Variants in FAM117A observed in about 807,000 individuals in gnomAD.
The protein encoded by FAM117A is protein FAM117A.
A neutral mutation model predicts 44.1 loss-of-function variants in FAM117A; 21 were observed. The observed-to-expected ratio is 0.48, with a 90% CI of 0.34 to 0.69. The LOEUF is 0.69. Among genes scored for constraint, FAM117A ranks in the 30% least tolerant of loss-of-function variants. FAM117A has a pLI of 0.01. For missense variants in FAM117A, 498 were observed against 589.9 expected (o/e 0.84, Z 1.61); for synonymous variants, 220 against 238.3 (o/e 0.92, Z 0.71).
chr17:49,771,588 T>A (rs1402704499), intron 1 of FAM117A, among the ~76,000 whole-genome samples: 3 of 152,322 alleles, frequency 2.0e-5, no homozygotes, highest in Middle Eastern at 3.4e-3. Flanking sequence ...GTAACCGGCA[T>A]GCAGATGGTG....
intron 1 of FAM117A, among the ~76,000 whole-genome samples, chr17:49,779,184 GC>G (rs2073782753): frequency 6.6e-6 from 1 of 152,210 alleles, no homozygotes; most frequent in Admixed American, 6.5e-5. Flanking sequence ...GACAGACCAG[GC>G]AGGACACTGA....
intron 2 of FAM117A, 28 bp from the exon 3 acceptor site, chr17:49,722,622 C>A (rs764240418): frequency 6.3e-7 from 1 of 1,597,242 alleles, no homozygotes; most frequent in Non-Finnish European, 8.6e-7. Context: ...CAGTGAGACA[C>A]AGCAGCTTCT....
chr17:49,720,300 G>A (rs1324895149), intron 4 of FAM117A, 26 bp downstream of exon 4: 2 of 1,578,866 alleles, frequency 1.3e-6, no homozygotes, highest in Non-Finnish European at 1.7e-6. Flanking sequence ...AGAACAGAGG[G>A]GAGAGGGCTG....
chr17:49,777,342 A>T (rs1250046923), intron 1 of FAM117A, among the ~76,000 whole-genome samples: 2 of 152,170 alleles, frequency 1.3e-5, no homozygotes, highest in East Asian at 3.9e-4. Context: ...CACTGACAAG[A>T]GTCAAGGTAT....
chr17:49,738,363 C>T (rs1377746600), intron 1 of FAM117A, among the ~76,000 whole-genome samples: 1 of 152,128 alleles, frequency 6.6e-6, no homozygotes, highest in Admixed American at 6.5e-5. Context: ...TGGGTCCTGA[C>T]TTGTTCCTCC....
chr17:49,773,524 A>G (rs1457532975), intron 1 of FAM117A: 1 of 151,926 alleles, frequency 6.6e-6, no homozygotes, highest in Non-Finnish European at 1.5e-5. Flanking sequence ...AAATTGTTGT[A>G]CATAACTACA....
intron 1 of FAM117A, among the ~76,000 whole-genome samples, chr17:49,760,894 G>T (rs2073720159): frequency 6.6e-6 from 1 of 152,126 alleles, no homozygotes; most frequent in Admixed American, 6.5e-5. Context: ...CCCAATAATG[G>T]CTCTTAGCTT....
chr17:49,753,055 G>A (rs1040810168), intron 1 of FAM117A, among the ~76,000 whole-genome samples: 3 of 152,010 alleles, frequency 2.0e-5, no homozygotes, highest in Non-Finnish European at 4.4e-5. Flanking sequence ...TAGAGATGGG[G>A]TTTCACCATG....
chr17:49,720,253 G>A (rs1306587467), intron 4 of FAM117A, 73 bp downstream of exon 4: 9 of 1,224,038 alleles, frequency 7.4e-6, no homozygotes, highest in Non-Finnish European at 8.2e-6. Context: ...CCAAGACCCA[G>A]GAAACCTCTG....
intron 1 of FAM117A, among the ~76,000 whole-genome samples, chr17:49,784,221 A>G (rs2143809789): frequency 6.6e-6 from 1 of 152,374 alleles, no homozygotes; most frequent in South Asian, 2.1e-4. Flanking sequence ...CAAGAGACTG[A>G]TACAAGTAAG....
intron 2 of FAM117A, chr17:49,724,355 C>A: frequency 6.6e-6 from 3 of 456,242 alleles, no homozygotes; most frequent in South Asian, 4.6e-5. Context: ...AGGGACCGTT[C>A]TGCCCATTTC....
intron 1 of FAM117A, among the ~76,000 whole-genome samples, chr17:49,754,978 T>C (rs960464830): frequency 2.2e-5 from 3 of 136,436 alleles, no homozygotes; most frequent in African/African-American, 8.4e-5. Context: ...GTGGAGGTTG[T>C]GGTGAGCCGA....
intron 1 of FAM117A, among the ~76,000 whole-genome samples, chr17:49,736,791 C>T (rs924792968): frequency 6.6e-6 from 1 of 152,234 alleles, no homozygotes; most frequent in African/African-American, 2.4e-5. Flanking sequence ...CCACTGGAAT[C>T]CCCTGGAAGC....
chr17:49,726,844 GT>G (rs1482937530), intron 2 of FAM117A, among the ~76,000 whole-genome samples: 1 of 151,934 alleles, frequency 6.6e-6, no homozygotes, highest in Admixed American at 6.6e-5. Flanking sequence ...GCCAGTTATG[GT>G]GGTGCATATC....
chr17:49,742,094 T>C (rs1212285080), intron 1 of FAM117A, among the ~76,000 whole-genome samples: 2 of 152,122 alleles, frequency 1.3e-5, no homozygotes, highest in Non-Finnish European at 2.9e-5. Context: ...AAAATGATAA[T>C]ATCCCATGTT....
chr17:49,770,448 G>T (rs188955566), intron 1 of FAM117A, among the ~76,000 whole-genome samples: 1 of 152,048 alleles, frequency 6.6e-6, no homozygotes, highest in African/African-American at 2.4e-5. Flanking sequence ...GTCCAGAAAC[G>T]CAAATTTATA....
At chr17:49,750,227 A>G (rs1348899434) in intron 1 of FAM117A, among the ~76,000 whole-genome samples, 1 of 148,740 alleles carries the variant, frequency 6.7e-6, no homozygotes, top group Non-Finnish European at 1.5e-5. Flanking sequence ...TTTCTTACAC[A>G]TGCTCAAACA....
intron 1 of FAM117A, among the ~76,000 whole-genome samples, chr17:49,772,701 G>T (rs555819785): frequency 5.9e-5 from 9 of 151,604 alleles, no homozygotes; most frequent in Non-Finnish European, 1.2e-4. Flanking sequence ...GCAGTGAGCC[G>T]AGATCATGCC....
chr17:49,767,174 T>C (rs554745035), upstream of FAM117A, among the ~76,000 whole-genome samples: 1 of 152,190 alleles, frequency 6.6e-6, no homozygotes, highest in Admixed American at 6.5e-5. Context: ...TCTCCTGGCA[T>C]GGGCATGATG....
Sources: gnomAD v4.1 joint callset for allele counts (sites outside exome capture counted in the v4.1 genomes callset) on GRCh38, gnomAD v4.1.1 for gene constraint, MANE v1.5 for transcripts, NCBI Gene and HGNC (gene_info 2026-07-23, HGNC 2026-07-21) for gene names.